The following TMEM44 variants were observed in gnomAD, a reference collection of about 807,000 sequenced individuals.
The protein encoded by TMEM44 is transmembrane protein 44.
Under a neutral mutation model 47.8 loss-of-function variants are expected in TMEM44, and 43 were observed. The observed-to-expected ratio is 0.90, with a 90% CI of 0.70 to 1.16. The LOEUF (loss-of-function observed/expected upper bound fraction) is 1.16, where lower values mean the gene tolerates loss of function less well. Among genes scored for constraint, TMEM44 ranks in the 50% most tolerant of loss-of-function variants. The pLI is 0.00. For missense variants in TMEM44, 568 were observed against 555.2 expected, an observed-to-expected ratio of 1.02 and a Z score of -0.23; for synonymous variants, 277 against 238.8, an observed-to-expected ratio of 1.16 and a Z score of -1.48.
chr3:194,602,480 T>C (rs1714253411), intron 9 of TMEM44, among the ~76,000 whole-genome samples: 1 of 152,034 alleles, frequency 6.6e-6, no homozygotes. Flanking sequence ...TGGGCACCTG[T>C]AATCCTAGCT....
Position 194,625,921 on chromosome 3 carries a change from C to T in TMEM44, c.334G>A (p.Gly112Arg), listed in dbSNP as rs767446051. ...NFMFILFPVC[G>R]SKFKSNSDRE... ...CCTGAATTAGACTTGAATTTGGATC[C>T]ACAGACTGGGAAGAGAATGAACATA... The change falls in exon 3 of 10, where the codon GGA becomes AGA. Residue 112 changes from glycine (G) to arginine (R), a missense_variant. By Grantham distance (125) the Gly-to-Arg change is moderately radical (BLOSUM62 -2). Transcript: ENST00000347147. 2 of 1,613,800 alleles carry T rather than the reference C, an allele frequency of 1.2e-6. No homozygotes were observed. Among genetic ancestry groups the T allele is most frequent in the African/African-American group, 2.7e-5 (2 of 75,048 alleles).
chr3:194,614,498 GGATCAA>G lies in TMEM44; in HGVS notation c.912+1065_912+1070del, dbSNP rs1715673290. On this transcript the variant is annotated intron_variant, in intron 7 of 9. Transcript: ENST00000347147. ...TGGCTCACTGCAACCTCTGCCTCCA[GGATCAA>G]GAGATCCTCCTGCCTCAGCCTCCTA... 2.0e-5 allele frequency among the ~76,000 whole-genome samples: 3 copies of G among 152,184 alleles called. No homozygotes were observed. In the South Asian group the frequency reaches 6.2e-4, roughly 32 times the overall value.
chr3:194,625,435 G>GA (rs958502678), intron 3 of TMEM44, among the ~76,000 whole-genome samples: 1 of 117,590 alleles, frequency 8.5e-6, no homozygotes, highest in Non-Finnish European at 1.9e-5. Flanking sequence ...TTTTTTGGGG[G>GA]GGGGGGGTTG....
intron 8 of TMEM44, among the ~76,000 whole-genome samples, chr3:194,609,087 A>G (rs1482219939): frequency 6.6e-6 from 1 of 152,108 alleles, no homozygotes; most frequent in African/African-American, 2.4e-5. Context: ...GAACCACTGC[A>G]AAGACAGTGC....
chr3:194,616,769 C>T (rs923439025), intron 6 of TMEM44: 1 of 411,914 alleles, frequency 2.4e-6, no homozygotes, highest in Non-Finnish European at 4.7e-6. Context: ...TTGGCATGCA[C>T]CTGTAGTCCC....
Position 194,623,667 on chromosome 3 carries a change from C to T in TMEM44, c.387G>A (p.Arg129=). 1 of 1,613,786 alleles carries T rather than the reference C, an allele frequency of 6.2e-7. No homozygotes were observed. Among genetic ancestry groups the T allele is most frequent in the Non-Finnish European group, 8.5e-7 (1 of 1,180,004 alleles). The change falls in exon 4 of 10, where the codon AGG becomes AGA. Residue 129 remains arginine (R), a synonymous_variant. Coordinates refer to ENST00000347147, the MANE Select transcript of TMEM44 (RefSeq NM_001011655.3). The part of the protein sequence containing the change: ...SDREARERKR[R]RQLRASVFAL... ...CAAACACACTGGCCCTGAGCTGCCG[C>T]CTCCTCTTCCTCTCTCGGGCTTCCC...
chr3:194,619,563 C>T (rs748633848), intron 5 of TMEM44, among the ~76,000 whole-genome samples: 3 of 152,342 alleles, frequency 2.0e-5, no homozygotes, highest in African/African-American at 7.2e-5. Context: ...CTGTCCCATT[C>T]GAGGACTCAC....
chr3:194,633,183 G>A lies in TMEM44; in HGVS notation c.33C>T (p.Leu11=). ...AGCGGTCCAGGTAGTCCCAGTCCCA[G>A]AGCGCGGGCGCGGGGCTGGGCGCCT... MGEAPSPAPA[L]WDWDYLDRCF... Residue 11 remains leucine (L), a synonymous_variant, in exon 1 of 10, where the codon CTC becomes CTT. Coordinates refer to ENST00000347147, the MANE Select transcript of TMEM44 (RefSeq NM_001011655.3). The A allele has an allele frequency of 6.5e-7, 1 of 1,532,290 alleles. No individual in the cohort carries two copies. Among genetic ancestry groups the A allele is most frequent in the South Asian group, 1.2e-5 (1 of 83,170 alleles). 94.9% of individuals were successfully genotyped at this position (1,532,290 alleles called of 1,614,324 possible). A position where few individuals can be genotyped will look rare whatever the true frequency, so the allele number is the denominator to read the frequency against.
At position 194,607,188 on chromosome 3, in the gene TMEM44, GC is replaced by G. The variant is rs1714873458; in HGVS notation, c.1018-2744del. Reference sequence around the variant, plus strand: ...CTGCAAGAACTGCTTGTTAGAAAGAGCCTGGCACCCCTTCCTCTCTCTCCTG... The same window carrying G: ...CTGCAAGAACTGCTTGTTAGAAAGAGCTGGCACCCCTTCCTCTCTCTCCTG... On this transcript the variant is annotated intron_variant, in intron 8 of 9. Transcript: ENST00000347147. Among the ~76,000 whole-genome samples the G allele has an allele frequency of 6.6e-5, 10 of 152,076 alleles. 1 individual carries two copies. In the South Asian group the frequency reaches 2.1e-3, roughly 32 times the overall value.
intron 8 of TMEM44, among the ~76,000 whole-genome samples, chr3:194,605,128 CTATGTATCTATCTATG>C (rs1456678810): frequency 2.7e-5 from 4 of 149,654 alleles, no homozygotes; most frequent in Non-Finnish European, 1.5e-5. Context: ...ATGTATCTAT[CTATGTATCTATCTATG>C]TATGTATCTA....
intron 9 of TMEM44, among the ~76,000 whole-genome samples, chr3:194,600,281 T>C (rs1713926727): frequency 6.6e-6 from 1 of 151,588 alleles, no homozygotes; most frequent in Non-Finnish European, 1.5e-5. Context: ...TTATTTTCAG[T>C]AGAGACGGGG....
At position 194,609,261 on chromosome 3, in the gene TMEM44, C is replaced by T. The variant is rs187742087; in HGVS notation, c.1017+1655G>A. ...GAGGGGAGGGGAAAGGACGGAGACA[C>T]GAATGGGGGAAGTCAGCAAGAACTG... On this transcript the variant is annotated intron_variant, in intron 8 of 9. Coordinates refer to ENST00000347147, the MANE Select transcript of TMEM44 (RefSeq NM_001011655.3). 5.3e-5 allele frequency among the ~76,000 whole-genome samples: 8 copies of T among 152,092 alleles called. No homozygotes were observed. In the East Asian group the frequency reaches 1.4e-3, roughly 26 times the overall value.
chr3:194,600,384 C>T (rs1713943233), intron 9 of TMEM44, among the ~76,000 whole-genome samples: 1 of 151,920 alleles, frequency 6.6e-6, no homozygotes, highest in Non-Finnish European at 1.5e-5. Context: ...CGGCCTGTCT[C>T]TGCCTCCTAA....
At chr3:194,599,586 C>CTTTTCTTTT (rs770911632) in intron 9 of TMEM44, among the ~76,000 whole-genome samples, 1 of 129,036 alleles carries the variant, frequency 7.7e-6, no homozygotes, top group African/African-American at 3.1e-5. Flanking sequence ...TTTTTCTTTT[C>CTTTTCTTTT]TTTTTTTTTT....
Position 194,610,924 on chromosome 3 carries a change from C to T in TMEM44, c.1009G>A (p.Val337Met), listed in dbSNP as rs566340131. Reference protein sequence around the residue: ...SRYMELTIEPVQQAGCSATRL... With the variant: ...SRYMELTIEPMQQAGCSATRL... Reference sequence around the variant, plus strand: ...GACCGATGGCCACTCACCTGCTGCACAGGCTCGATGGTCAGCTCCATGTAG... The same window carrying T: ...GACCGATGGCCACTCACCTGCTGCATAGGCTCGATGGTCAGCTCCATGTAG... The change falls in exon 8 of 10, where the codon GTG becomes ATG. Residue 337 changes from valine (V) to methionine (M), a missense_variant. Val to Met is a conservative substitution (Grantham distance 21). Transcript: ENST00000347147. 1 of 1,613,364 alleles carries T rather than the reference C, an allele frequency of 6.2e-7. No individual in the cohort carries two copies. Among genetic ancestry groups the T allele is most frequent in the African/African-American group, 1.3e-5 (1 of 75,044 alleles).
At chr3:194,617,033 T>C in intron 6 of TMEM44, 66 bp downstream of exon 6, 7 of 1,418,634 alleles carry the variant, frequency 4.9e-6, no homozygotes, top group Non-Finnish European at 6.5e-6. Flanking sequence ...GCAGGGGCAG[T>C]GAGAGGACGA....
At chr3:194,619,727 T>A (rs1716316082) in intron 5 of TMEM44, among the ~76,000 whole-genome samples, 1 of 152,086 alleles carries the variant, frequency 6.6e-6, no homozygotes, top group South Asian at 2.1e-4. Context: ...CTGCTGGGTT[T>A]CTCCCTATGA....
At chr3:194,629,158 C>T (rs543022373) in intron 1 of TMEM44, among the ~76,000 whole-genome samples, 34 of 149,886 alleles carry the variant, frequency 2.3e-4, no homozygotes, top group African/African-American at 6.4e-4. Context: ...AGCGAGACTC[C>T]GTCTCAAAAA....
chr3:194,610,985 G>A lies in TMEM44; in HGVS notation c.948C>T (p.His316=), dbSNP rs771942495. 1 of 1,614,072 alleles carries A rather than the reference G, an allele frequency of 6.2e-7. No individual in the cohort carries two copies. Among genetic ancestry groups the A allele is most frequent in the Admixed American group, 1.7e-5 (1 of 60,010 alleles). Residue 316 remains histidine, a synonymous_variant, in exon 8 of 10, where the codon CAC becomes CAT. Transcript: ENST00000347147. ...LDWVPLTTLS[H]CKSLRTMTAI... ...CTGTCATTGTCCTCAGTGACTTGCA[G>A]TGTGACAGTGTGGTGAGAGGCACCC...
Sources: gnomAD v4.1 joint callset for allele counts (sites outside exome capture counted in the v4.1 genomes callset) on GRCh38, gnomAD v4.1.1 for gene constraint, MANE v1.5 for transcripts, NCBI Gene and HGNC (gene_info 2026-07-23, HGNC 2026-07-21) for gene names.